The following TAFA5 variants were observed in gnomAD, a reference collection of about 807,000 sequenced individuals.
TAFA5 encodes the protein chemokine-like protein TAFA-5.
A neutral mutation model predicts 15.3 loss-of-function variants in TAFA5; 6 were observed. The ratio of observed to expected loss-of-function variants is 0.39; its 90% CI spans 0.21 to 0.77. The LOEUF is 0.77. Ranked by LOEUF, TAFA5 falls within the 30% of genes least tolerant of loss-of-function variation. The pLI is 0.41. For missense variants in TAFA5, 161 were observed against 193.1 expected (o/e 0.83, Z 0.98); for synonymous variants, 103 against 80.7 (o/e 1.28, Z -1.48).
rs1390152175 is a variant in TAFA5 at position 48,566,962 on chromosome 22, A to T, written c.112+77258A>T. 6.6e-6 allele frequency among the ~76,000 whole-genome samples: 1 copy of T among 152,098 alleles called. No homozygotes were observed. The highest frequency in any genetic ancestry group is 6.5e-5 in the Admixed American group (1 of 15,278). On this transcript the variant is annotated intron_variant, in intron 1 of 3. Coordinates refer to ENST00000402357, the MANE Select transcript of TAFA5 (RefSeq NM_001082967.3). This position sits in a 1 kb window ranked among gnomAD's most constrained non-coding sequence, Gnocchi z 4.5. ...TGCTCCGCAGCACTGCTGCCTGCGG[A>T]CTGGCCGCACTGGATTCCCCTTTCC...
At chr22:48,575,489 G>C (rs1923740459) in intron 1 of TAFA5, among the ~76,000 whole-genome samples, 1 of 146,164 alleles carries the variant, frequency 6.8e-6, no homozygotes. Flanking sequence ...CTCCCCCGAG[G>C]AGCCGGCGCC....
At chr22:48,551,094 G>A (rs1290460288) in intron 1 of TAFA5, among the ~76,000 whole-genome samples, 2 of 152,008 alleles carry the variant, frequency 1.3e-5, no homozygotes, top group African/African-American at 2.4e-5. Context: ...TCTGGGGCAC[G>A]GGGTGAGGTC....
rs2147239988 is a variant in TAFA5, at chr22:48,693,468, A to G, written c.263-14249A>G. On this transcript the variant is annotated intron_variant, in intron 2 of 3. Transcript: ENST00000402357. The stretch of plus-strand genomic sequence containing the variant: ...GACTCTTGCAGATGGCTGTGACTCA[A>G]CCATGGGTAGATGAGGAAGCATAGC... 11 of 1,584,680 alleles carry G rather than the reference A, an allele frequency of 6.9e-6. No homozygotes were observed. The South Asian group carries it at 1.0e-4, about 15-fold the overall frequency.
chr22:48,627,439 C>T (rs1360050067), intron 1 of TAFA5, among the ~76,000 whole-genome samples: 1 of 152,254 alleles, frequency 6.6e-6, no homozygotes, highest in Non-Finnish European at 1.5e-5. Flanking sequence ...GCAGGCTGGG[C>T]CAGTGCCAGG....
chr22:48,588,747 G>A (rs1223010426), intron 1 of TAFA5, among the ~76,000 whole-genome samples: 1 of 152,154 alleles, frequency 6.6e-6, no homozygotes, highest in African/African-American at 2.4e-5. Flanking sequence ...CCTTGGTTCA[G>A]GTGAGCACAG....
At chr22:48,589,323 T>C (rs1006871180) in intron 1 of TAFA5, among the ~76,000 whole-genome samples, 9 of 152,066 alleles carry the variant, frequency 5.9e-5, no homozygotes, top group African/African-American at 1.7e-4. Context: ...AGGACTTGAG[T>C]CTCTGCACCT....
intron 1 of TAFA5, among the ~76,000 whole-genome samples, chr22:48,508,326 G>GGCTGCCGCCCCCCCAGA (rs1194773490): frequency 6.6e-6 from 1 of 152,200 alleles, no homozygotes; most frequent in African/African-American, 2.4e-5. Context: ...TCCCCTCCAG[G>GGCTGCCGCCCCCCCAGA]GCTGCCGCCC....
rs116553609 is a variant in TAFA5 at position 48,537,303 on chromosome 22, G to A, written c.112+47599G>A. ...ATGAGGTTCCCGCTCTGTTCTTGGT[G>A]CATTTCCAGGCAAGATCGTCATCGT... On this transcript the variant is annotated intron_variant, in intron 1 of 3. Transcript: ENST00000402357. Among the ~76,000 whole-genome samples the A allele has an allele frequency of 5.8e-3, 881 of 152,340 alleles. 6 individuals carry two copies. The highest frequency in any genetic ancestry group is 0.02 in the African/African-American group (840 of 41,586).
chr22:48,634,788 C>G (rs1340708844), intron 1 of TAFA5, among the ~76,000 whole-genome samples: 1 of 152,272 alleles, frequency 6.6e-6, no homozygotes. Context: ...TAGTCACTCA[C>G]TCATTCACTG....
chr22:48,622,412 A>G (rs976920297), intron 1 of TAFA5, among the ~76,000 whole-genome samples: 3 of 152,206 alleles, frequency 2.0e-5, no homozygotes, highest in Non-Finnish European at 4.4e-5. Flanking sequence ...GGCAGGCTCC[A>G]TTCCAGACAC....
chr22:48,490,329 C>G lies in TAFA5; in HGVS notation c.112+625C>G, dbSNP rs1340345303. Among the ~76,000 whole-genome samples, 1 of 151,892 alleles carries G rather than the reference C, an allele frequency of 6.6e-6. No homozygotes were observed. Among genetic ancestry groups the G allele is most frequent in the Admixed American group, 6.5e-5 (1 of 15,280 alleles). ...CGTTTCTCGGGTCGTGTCTGGGGCC[C>G]GAGCTGGTGACCGGCGGGACTGGCG... On this transcript the variant is annotated intron_variant, in intron 1 of 3. Transcript: ENST00000402357. The surrounding 1 kb of genome is among the most constrained non-coding windows in gnomAD (Gnocchi z 5.8).
At chr22:48,747,397 C>A (rs1205799972) in intron 3 of TAFA5, among the ~76,000 whole-genome samples, 1 of 152,136 alleles carries the variant, frequency 6.6e-6, no homozygotes, top group African/African-American at 2.4e-5. Context: ...AGGGAGCAGC[C>A]CCAGGAAAGA....
chr22:48,719,238 C>T (rs931800506), intron 3 of TAFA5, among the ~76,000 whole-genome samples: 2 of 152,268 alleles, frequency 1.3e-5, no homozygotes, highest in Non-Finnish European at 2.9e-5. Flanking sequence ...GCCAGGTGGA[C>T]GCAGAGCCGG....
chr22:48,532,832 A>G (rs886899651), intron 1 of TAFA5, among the ~76,000 whole-genome samples: 4 of 152,232 alleles, frequency 2.6e-5, no homozygotes, highest in African/African-American at 9.6e-5. Flanking sequence ...GGCTGGGAGC[A>G]TCTGAGGAAT....
chr22:48,580,986 C>T (rs990294910), intron 1 of TAFA5, among the ~76,000 whole-genome samples: 1 of 152,224 alleles, frequency 6.6e-6, no homozygotes, highest in Non-Finnish European at 1.5e-5. Context: ...CTCTCCCTGA[C>T]CCTCCAGCAG....
At chr22:48,632,736 C>T (rs1926277555) in intron 1 of TAFA5, among the ~76,000 whole-genome samples, 1 of 152,136 alleles carries the variant, frequency 6.6e-6, no homozygotes, top group South Asian at 2.1e-4. Context: ...CTGCGGAGGC[C>T]CTGACCCCTC....
At chr22:48,706,190 G>T (rs1443400140) in intron 2 of TAFA5, among the ~76,000 whole-genome samples, 1 of 152,224 alleles carries the variant, frequency 6.6e-6, no homozygotes, top group African/African-American at 2.4e-5. Flanking sequence ...CTGCATCCTG[G>T]GGCCAGTGGA....
intron 1 of TAFA5, among the ~76,000 whole-genome samples, chr22:48,578,114 GC>G: frequency 6.6e-6 from 1 of 152,342 alleles, no homozygotes; most frequent in African/African-American, 2.4e-5. Context: ...CAAGTTCTCT[GC>G]CTCTCTGGCT....
intron 3 of TAFA5, among the ~76,000 whole-genome samples, chr22:48,728,221 C>T (rs1910132257): frequency 6.6e-6 from 1 of 152,102 alleles, no homozygotes; most frequent in African/African-American, 2.4e-5. Context: ...ATGCACCAGC[C>T]CTCTTTTCCA....
Sources: gnomAD v4.1 joint callset for allele counts (sites outside exome capture counted in the v4.1 genomes callset) on GRCh38, gnomAD v4.1.1 for gene constraint, Gnocchi (gnomAD v3.1) non-coding constraint, MANE v1.5 for transcripts, NCBI Gene and HGNC (gene_info 2026-07-23, HGNC 2026-07-21) for gene names.